PTPN3: variants seen among roughly 807,000 people sequenced by gnomAD.
PTPN3 encodes tyrosine-protein phosphatase non-receptor type 3.
In PTPN3, 96 loss-of-function variants were observed where a neutral mutation model predicts 132.7. The observed-to-expected ratio is 0.72, with a 90% CI of 0.61 to 0.86. The LOEUF (loss-of-function observed/expected upper bound fraction) is 0.86, where lower values mean the gene tolerates loss of function less well. PTPN3 is among the 40% of genes least tolerant of loss of function. The probability of loss-of-function intolerance (pLI) is 0.00; values close to 1 mark genes in which losing one functional copy is unlikely to be tolerated. For synonymous variants in PTPN3, 398 were observed against 429.0 expected (o/e 0.93, Z 0.89); for missense variants, 1,125 against 1,159.6 (o/e 0.97, Z 0.43).
intron 16 of PTPN3, among the ~76,000 whole-genome samples, chr9:109,408,790 A>ATATATATATATATATATAT (rs1293697190): frequency 5.1e-5 from 3 of 59,212 alleles, no homozygotes; most frequent in South Asian, 5.9e-4. Context: ...TTAAAAAAAA[A>ATATATATATATATATATAT]AAAAAAATAT....
At chr9:109,392,112 A>C (rs1840174216) in intron 19 of PTPN3, among the ~76,000 whole-genome samples, 1 of 152,188 alleles carries the variant, frequency 6.6e-6, no homozygotes, top group African/African-American at 2.4e-5. Context: ...CAAACAACAC[A>C]ATCTTTGCAT....
intron 5 of PTPN3, among the ~76,000 whole-genome samples, chr9:109,452,137 A>T (rs886786466): frequency 1.3e-5 from 2 of 151,952 alleles, no homozygotes; most frequent in Non-Finnish European, 2.9e-5. Context: ...GCTTGATGGC[A>T]CACGCCTGTA....
the PTPN3 span, among the ~76,000 whole-genome samples, chr9:109,535,667 C>T: frequency 2.0e-5 from 3 of 152,136 alleles, no homozygotes; most frequent in East Asian, 3.9e-4. Context: ...CCACCATGCC[C>T]AGCTAATTTT....
intron 13 of PTPN3, 43 bp downstream of exon 13, chr9:109,422,675 T>C: frequency 6.6e-7 from 1 of 1,517,118 alleles, no homozygotes. Flanking sequence ...AGATAAAGTG[T>C]CTACTGTTGG....
At chr9:109,451,139 C>T (rs2132004917) in intron 5 of PTPN3, 1 of 960,400 alleles carries the variant, frequency 1.0e-6, no homozygotes, top group Non-Finnish European at 1.2e-6. Context: ...TGCCTATAAT[C>T]CCAGCTACTC....
At chr9:109,483,408 G>A (rs1181898852) in intron 1 of PTPN3, among the ~76,000 whole-genome samples, 1 of 152,150 alleles carries the variant, frequency 6.6e-6, no homozygotes, top group African/African-American at 2.4e-5. Context: ...AACACCAGCT[G>A]TGAGGCAGGT....
intron 19 of PTPN3, among the ~76,000 whole-genome samples, chr9:109,404,071 T>C (rs1841360929): frequency 6.6e-6 from 1 of 152,236 alleles, no homozygotes; most frequent in Non-Finnish European, 1.5e-5. Flanking sequence ...CTGGGAGTTT[T>C]GAGCTTTTGT....
At chr9:109,428,200 A>G (rs1320964096) in intron 11 of PTPN3, among the ~76,000 whole-genome samples, 1 of 152,208 alleles carries the variant, frequency 6.6e-6, no homozygotes, top group Non-Finnish European at 1.5e-5. Flanking sequence ...GCATTATAGA[A>G]TTTCTGGAAA....
intron 5 of PTPN3, chr9:109,450,476 G>T: frequency 1.0e-6 from 1 of 983,798 alleles, no homozygotes; most frequent in Non-Finnish European, 1.2e-6. Flanking sequence ...ATATAAATGA[G>T]AAGATAAACG....
intron 22 of PTPN3, among the ~76,000 whole-genome samples, chr9:109,384,053 G>A (rs756948702): frequency 3.9e-4 from 60 of 152,286 alleles, no homozygotes; most frequent in Non-Finnish European, 7.1e-4. Flanking sequence ...CCATTTGTCA[G>A]CCAGATGATG....
chr9:109,433,135 A>T lies in PTPN3; in HGVS notation c.702T>A (p.Ile234=), dbSNP rs748450583. Residue 234 remains isoleucine, a synonymous_variant, in exon 10 of 26, where the codon ATT becomes ATA. Coordinates refer to ENST00000374541, the MANE Select transcript of PTPN3 (RefSeq NM_002829.4). ...CAGCAACACCCGCGGAAGCAATTCCAATCATTAGGTCTAAATTGTGCAGAT... is the reference window on the plus strand; with the variant it reads ...CAGCAACACCCGCGGAAGCAATTCCTATCATTAGGTCTAAATTGTGCAGAT... ...GRDLHNLDLM[I]GIASAGVAVY... 12 of 1,614,058 alleles carry T rather than the reference A, an allele frequency of 7.4e-6. No homozygotes were observed. The South Asian group carries it at 1.2e-4, about 16-fold the overall frequency.
At chr9:109,409,914 A>C in intron 16 of PTPN3, 85 bp downstream of exon 16, 1 of 1,537,430 alleles carries the variant, frequency 6.5e-7, no homozygotes, top group Non-Finnish European at 8.8e-7. Flanking sequence ...TAGCTCAGGA[A>C]TGCAGCACAT....
In PTPN3 at chr9:109,382,512, C is replaced by A. The variant is rs1210367303; in HGVS notation, c.2383-65G>T. ...GGTGAGCATGAGGACCCAGCCCCAA[C>A]CCAGACACAGGGTGGCCCTGTCTCC... is the stretch of plus-strand genomic sequence containing the variant. On this transcript the variant is annotated intron_variant, in intron 23 of 25. Transcript: ENST00000374541. The A allele has an allele frequency of 1.0e-5, 16 of 1,579,448 alleles. No homozygotes were observed. In the East Asian group the frequency reaches 3.1e-4, roughly 31 times the overall value.
chr9:109,513,599 T>TA, the PTPN3 span, among the ~76,000 whole-genome samples: 1 of 152,226 alleles, frequency 6.6e-6, no homozygotes, highest in Non-Finnish European at 1.5e-5. Flanking sequence ...AATGGACTAG[T>TA]AAATACTTGT....
At chr9:109,382,835 GGCA>G (rs1025675423) in intron 23 of PTPN3, among the ~76,000 whole-genome samples, 9 of 151,014 alleles carry the variant, frequency 6.0e-5, no homozygotes, top group African/African-American at 2.2e-4. Flanking sequence ...ACAGTTCAGC[GGCA>G]TTGAGAATAC....
intron 9 of PTPN3, among the ~76,000 whole-genome samples, chr9:109,434,212 T>C (rs1474057415): frequency 2.6e-5 from 4 of 152,234 alleles, no homozygotes; most frequent in African/African-American, 9.6e-5. Flanking sequence ...GGTGCACACG[T>C]GGCTCACTGC....
At chr9:109,417,304 C>T (rs1032374341) in intron 14 of PTPN3, among the ~76,000 whole-genome samples, 1 of 152,200 alleles carries the variant, frequency 6.6e-6, no homozygotes, top group African/African-American at 2.4e-5. Context: ...GGTTTACAGC[C>T]AAATCTAACC....
the PTPN3 span, among the ~76,000 whole-genome samples, chr9:109,526,284 T>C: frequency 7.2e-5 from 11 of 151,750 alleles, no homozygotes; most frequent in African/African-American, 2.7e-4. Flanking sequence ...AAGATATTAA[T>C]TTACTTTAAA....
In PTPN3 at chr9:109,390,819, A is replaced by C. The variant is rs1043577394; in HGVS notation, c.2106+319T>G. Among the ~76,000 whole-genome samples, 16 of 152,190 alleles carry C rather than the reference A, an allele frequency of 1.1e-4. No individual in the cohort carries two copies. In the East Asian group the frequency reaches 3.1e-3, roughly 29 times the overall value. On this transcript the variant is annotated intron_variant, in intron 21 of 25. Transcript: ENST00000374541. ...TACATGGAGAGAAATAGACAGTTTC[A>C]TCACTGGCAAAAACAAACACCTGAA...
Sources: gnomAD v4.1 joint callset for allele counts (sites outside exome capture counted in the v4.1 genomes callset) on GRCh38, gnomAD v4.1.1 for gene constraint, MANE v1.5 for transcripts, NCBI Gene and HGNC (gene_info 2026-07-23, HGNC 2026-07-21) for gene names.